UGGT2: variants seen among roughly 807,000 people sequenced by gnomAD.
UGGT2 encodes UDP-glucose:glycoprotein glucosyltransferase 2.
UGGT2 carries 180 observed loss-of-function variants against 192.1 expected under a neutral mutation model. That is an observed-to-expected ratio of 0.94 (90% CI 0.83 to 1.06). The LOEUF (loss-of-function observed/expected upper bound fraction) is 1.06. Ranked by LOEUF, UGGT2 falls within the 50% of genes least tolerant of loss-of-function variation. UGGT2 has a pLI of 0.00. For synonymous variants in UGGT2, 580 were observed against 591.0 expected (o/e 0.98, Z 0.27); for missense variants, 1,849 against 1,795.7 (o/e 1.03, Z -0.54).
intron 5 of UGGT2, among the ~76,000 whole-genome samples, chr13:96,008,624 T>C (rs1459244232): frequency 6.6e-6 from 1 of 152,154 alleles, no homozygotes; most frequent in Non-Finnish European, 1.5e-5. Flanking sequence ...TGTAATCCCA[T>C]TTACAATTGC....
intron 10 of UGGT2, among the ~76,000 whole-genome samples, chr13:95,983,334 C>T (rs2051186546): frequency 6.6e-6 from 1 of 152,120 alleles, no homozygotes; most frequent in Non-Finnish European, 1.5e-5. Context: ...GTGGTGTAAG[C>T]ACTTTACAAA....
At chr13:95,855,713 G>C (rs1251700090) in intron 34 of UGGT2, among the ~76,000 whole-genome samples, 1 of 152,090 alleles carries the variant, frequency 6.6e-6, no homozygotes, top group Non-Finnish European at 1.5e-5. Context: ...AAGAGATAGA[G>C]TGATGAGAAT....
Position 96,013,497 on chromosome 13 carries a change from A to G in UGGT2, c.486-16T>C. 1 of 1,484,182 alleles carries G rather than the reference A, an allele frequency of 6.7e-7. No individual in the cohort carries two copies. Among genetic ancestry groups the G allele is most frequent in the Non-Finnish European group, 8.9e-7 (1 of 1,117,952 alleles). 91.9% of individuals were successfully genotyped at this position (1,484,182 alleles called of 1,614,324 possible). A position where few individuals can be genotyped will look rare whatever the true frequency, so the allele number is the denominator to read the frequency against. On this transcript the variant is annotated splice_polypyrimidine_tract_variant and intron_variant, in intron 4 of 38. Coordinates refer to ENST00000376747, the MANE Select transcript of UGGT2 (RefSeq NM_020121.4). Reference sequence around the variant, plus strand: ...AGGTCTAGTCCTAAGATAAAAGCAAAACACAAAGTTTTGAAAAAACTGAAA... The same window carrying G: ...AGGTCTAGTCCTAAGATAAAAGCAAGACACAAAGTTTTGAAAAAACTGAAA...
chr13:95,886,281 G>A (rs1478623112), intron 26 of UGGT2, among the ~76,000 whole-genome samples: 5 of 152,134 alleles, frequency 3.3e-5, no homozygotes, highest in Non-Finnish European at 7.4e-5. Flanking sequence ...AAAGGGCTGG[G>A]AATAAATGTG....
intron 36 of UGGT2, among the ~76,000 whole-genome samples, chr13:95,844,567 T>C (rs1159355685): frequency 6.6e-6 from 1 of 152,214 alleles, no homozygotes; most frequent in Admixed American, 6.5e-5. Context: ...GCTACAGAAA[T>C]GGATAATTTC....
At chr13:95,992,508 G>A (rs1007849735) in intron 7 of UGGT2, among the ~76,000 whole-genome samples, 1 of 152,140 alleles carries the variant, frequency 6.6e-6, no homozygotes, top group Non-Finnish European at 1.5e-5. Context: ...TTGGCTTTTA[G>A]TAATGCTACT....
rs2050188820 is a variant in UGGT2 at position 95,955,559 on chromosome 13, CAA to C, written c.1336-6107_1336-6106del. Among the ~76,000 whole-genome samples the C allele has an allele frequency of 2.0e-5, 3 of 152,200 alleles. No homozygotes were observed. The East Asian group carries it at 5.8e-4, about 29-fold the overall frequency. On this transcript the variant is annotated intron_variant, in intron 12 of 38. Transcript: ENST00000376747. ...ATAAAGGTGTTCCCTCTCTGCAGGA[CAA>C]ATTATAAAAGGATGTAACCCTTCCT...
chr13:95,928,564 G>A (rs1247084364), intron 17 of UGGT2, among the ~76,000 whole-genome samples: 4 of 151,704 alleles, frequency 2.6e-5, no homozygotes, highest in South Asian at 2.1e-4. Context: ...ACGGGGTCGC[G>A]GCGGGGCAGA....
intron 4 of UGGT2, among the ~76,000 whole-genome samples, chr13:96,016,603 G>A (rs2052344671): frequency 6.6e-6 from 1 of 152,200 alleles, no homozygotes; most frequent in Admixed American, 6.5e-5. Flanking sequence ...CATGAAGGAG[G>A]CTTGGAGGCC....
At chr13:96,051,718 A>G (rs898943102) in intron 1 of UGGT2, among the ~76,000 whole-genome samples, 5 of 152,164 alleles carry the variant, frequency 3.3e-5, no homozygotes, top group African/African-American at 1.2e-4. Flanking sequence ...AATGGCTAAC[A>G]TGAAAAAATG....
chr13:95,947,262 T>C, intron 14 of UGGT2, 90 bp from the exon 15 acceptor site: 1 of 1,256,524 alleles, frequency 8.0e-7, no homozygotes, highest in Non-Finnish European at 1.1e-6. Flanking sequence ...CTACAATATC[T>C]AGATGGAGAG....
chr13:95,856,196 G>A lies in UGGT2; in HGVS notation c.3970C>T (p.Leu1324=), dbSNP rs771290547. 7 of 1,613,280 alleles carry A rather than the reference G, an allele frequency of 4.3e-6. No individual in the cohort carries two copies. In the Admixed American group the frequency reaches 1.2e-4, roughly 27 times the overall value. ...ACAAAAATGATTTTGTCCACTGCTA[G>A]TGGGAAAAGAACATCAAGGAAAAGA... is the stretch of plus-strand genomic sequence containing the variant. ...KILFLDVLFP[L]AVDKIIFVDA... The change falls in exon 34 of 39, where the codon CTA becomes TTA. Residue 1324 remains leucine, a synonymous_variant. Transcript: ENST00000376747.
intron 20 of UGGT2, among the ~76,000 whole-genome samples, chr13:95,907,830 G>A (rs2048341249): frequency 6.6e-6 from 1 of 152,076 alleles, no homozygotes; most frequent in Non-Finnish European, 1.5e-5. Context: ...AAAATCAAAG[G>A]GCCTCTTCTC....
At chr13:95,866,068 T>C (rs1176902542) in intron 30 of UGGT2, among the ~76,000 whole-genome samples, 2 of 152,128 alleles carry the variant, frequency 1.3e-5, no homozygotes, top group Non-Finnish European at 2.9e-5. Flanking sequence ...CTCTCTTCTA[T>C]ATTTTCTTTT....
At chr13:95,993,704 T>G (rs970621958) in intron 7 of UGGT2, among the ~76,000 whole-genome samples, 1 of 152,208 alleles carries the variant, frequency 6.6e-6, no homozygotes, top group Non-Finnish European at 1.5e-5. Context: ...TCCAAAAATC[T>G]TATCCTTACT....
chr13:95,965,304 C>T (rs1225233517), intron 12 of UGGT2, among the ~76,000 whole-genome samples: 78 of 144,772 alleles, frequency 5.4e-4, no homozygotes, highest in Non-Finnish European at 7.0e-4. Context: ...ATGTTTATTG[C>T]GGCACTATTC....
intron 36 of UGGT2, among the ~76,000 whole-genome samples, chr13:95,848,483 G>A (rs1043432959): frequency 2.4e-4 from 37 of 152,142 alleles, no homozygotes; most frequent in African/African-American, 8.7e-4. Context: ...TGTAAGATCT[G>A]TGTCTAGATT....
At chr13:95,874,206 G>C (rs1891460258) in intron 29 of UGGT2, among the ~76,000 whole-genome samples, 2 of 152,128 alleles carry the variant, frequency 1.3e-5, no homozygotes, top group South Asian at 4.1e-4. Flanking sequence ...GAGACATGCA[G>C]TAGTACAGCA....
At chr13:95,850,660 G>A (rs1888948998) in intron 36 of UGGT2, among the ~76,000 whole-genome samples, 1 of 152,180 alleles carries the variant, frequency 6.6e-6, no homozygotes, top group Admixed American at 6.5e-5. Flanking sequence ...CAACAGCAGA[G>A]GTAAACACTG....
Sources: allele counts gnomAD v4.1 joint callset (sites outside exome capture counted in the v4.1 genomes callset), GRCh38; gene constraint gnomAD v4.1.1; transcripts MANE v1.5; gene names NCBI Gene and HGNC (gene_info 2026-07-23, HGNC 2026-07-21).